PIK3C2G: variants seen among roughly 807,000 people sequenced by gnomAD.
The protein encoded by PIK3C2G is phosphatidylinositol-4-phosphate 3-kinase catalytic subunit type 2 gamma, also known as phosphatidylinositol 3-kinase C2 domain-containing subunit gamma.
In PIK3C2G, 168 loss-of-function variants were observed where a neutral mutation model predicts 181.1. That is an observed-to-expected ratio of 0.93 (90% CI 0.82 to 1.05). The LOEUF is 1.05. Among genes scored for constraint, PIK3C2G ranks in the 50% least tolerant of loss-of-function variants. The pLI is 0.00. For missense variants in PIK3C2G, 1,869 were observed against 1,732.8 expected, an observed-to-expected ratio of 1.08 and a Z score of -1.40; for synonymous variants, 573 against 592.2, an observed-to-expected ratio of 0.97 and a Z score of 0.47.
intron 15 of PIK3C2G, among the ~76,000 whole-genome samples, chr12:18,396,151 A>C (rs959252079): frequency 5.9e-5 from 9 of 151,794 alleles, no homozygotes; most frequent in Middle Eastern, 3.4e-3. Flanking sequence ...GTTTACAGGA[A>C]CATGTATATA....
At chr12:18,521,715 G>T (rs1190203071) in intron 24 of PIK3C2G, among the ~76,000 whole-genome samples, 1 of 152,230 alleles carries the variant, frequency 6.6e-6, no homozygotes, top group Non-Finnish European at 1.5e-5. Flanking sequence ...CTCTATCCCA[G>T]TGTCGACTGC....
At chr12:18,350,304 T>A (rs1181760636) in intron 11 of PIK3C2G, among the ~76,000 whole-genome samples, 2 of 152,250 alleles carry the variant, frequency 1.3e-5, no homozygotes, top group East Asian at 1.9e-4. Context: ...ACATTATTTT[T>A]AAAAAATCCC....
At chr12:18,320,867 G>A in intron 6 of PIK3C2G, 95 bp from the exon 7 acceptor site, 1 of 694,362 alleles carries the variant, frequency 1.4e-6, no homozygotes. Context: ...ATCAAAATAG[G>A]TGAATAAAAT....
chr12:18,314,847 C>T (rs1478440486), intron 6 of PIK3C2G, among the ~76,000 whole-genome samples: 1 of 152,160 alleles, frequency 6.6e-6, no homozygotes, highest in African/African-American at 2.4e-5. Flanking sequence ...TCTGTGAAGA[C>T]TGTTTATGTC....
chr12:18,646,239 T>A (rs1950123867), intron 32 of PIK3C2G, among the ~76,000 whole-genome samples: 1 of 152,156 alleles, frequency 6.6e-6, no homozygotes, highest in Non-Finnish European at 1.5e-5. Context: ...ACATCAGTAA[T>A]TTTGAATAAA....
chr12:18,519,047 G>A (rs1409705742), intron 24 of PIK3C2G, among the ~76,000 whole-genome samples: 1 of 152,216 alleles, frequency 6.6e-6, no homozygotes. Flanking sequence ...GTGGTTTTGA[G>A]TGAGTTTCTT....
chr12:18,420,405 G>A (rs1945416860), intron 16 of PIK3C2G, among the ~76,000 whole-genome samples: 1 of 152,032 alleles, frequency 6.6e-6, no homozygotes, highest in Non-Finnish European at 1.5e-5. Flanking sequence ...ATCCAAAAAT[G>A]AATAAGGCAC....
chr12:18,496,769 G>A (rs891133365), intron 21 of PIK3C2G, among the ~76,000 whole-genome samples: 25 of 152,102 alleles, frequency 1.6e-4, no homozygotes, highest in African/African-American at 6.0e-4. Context: ...CGTGCAACAA[G>A]GTCTCAGAGT....
intron 1 of PIK3C2G, among the ~76,000 whole-genome samples, chr12:18,267,062 C>T (rs1000622755): frequency 3.3e-5 from 5 of 151,796 alleles, no homozygotes; most frequent in African/African-American, 1.2e-4. Flanking sequence ...AGTGATAGTT[C>T]TCTCCTTTCT....
rs1475248193 is a variant in PIK3C2G at position 18,320,945 on chromosome 12, T to C, written c.1138-17T>C. ...CCTATTCACTCAATAAATATTAATA[T>C]ATTCTGCTGTCTACAGCATGAAGAG... On this transcript the variant is annotated splice_polypyrimidine_tract_variant and intron_variant, in intron 6 of 32. Transcript: ENST00000538779. 7.1e-7 allele frequency: 1 copy of C among 1,412,894 alleles called. No homozygotes were observed. Among genetic ancestry groups the C allele is most frequent in the Non-Finnish European group, 9.9e-7 (1 of 1,010,582 alleles). 87.5% of individuals were successfully genotyped at this position (1,412,894 alleles called of 1,614,324 possible).
chr12:18,703,228 T>C, the PIK3C2G span, among the ~76,000 whole-genome samples: 2 of 152,184 alleles, frequency 1.3e-5, no homozygotes, highest in African/African-American at 2.4e-5. Context: ...GGCATTCTTA[T>C]GCCACAAAAG....
chr12:18,666,982 C>G, the PIK3C2G span, among the ~76,000 whole-genome samples: 1 of 152,142 alleles, frequency 6.6e-6, no homozygotes, highest in African/African-American at 2.4e-5. Context: ...GAGAAAGTAG[C>G]AATCATGGCC....
At chr12:18,431,947 G>A (rs4764402) in intron 18 of PIK3C2G, among the ~76,000 whole-genome samples, 37,484 of 151,944 alleles carry the variant, frequency 0.25, 4,953 homozygotes, top group Admixed American at 0.35. Flanking sequence ...CAACCTGAAG[G>A]AAAAGAGGCA....
At chr12:18,505,559 T>C in intron 24 of PIK3C2G, 98 bp downstream of exon 24, 1 of 711,726 alleles carries the variant, frequency 1.4e-6, no homozygotes, top group Non-Finnish European at 2.1e-6. Context: ...CTTGCTCCCA[T>C]CTCTCAAATC....
chr12:18,723,592 T>A, the PIK3C2G span: 1 of 1,325,418 alleles, frequency 7.5e-7, no homozygotes, highest in Non-Finnish European at 1.1e-6. Context: ...AAAAAATACA[T>A]AAAATGAATA....
chr12:18,408,295 T>A (rs1481819568), intron 16 of PIK3C2G, among the ~76,000 whole-genome samples: 1 of 152,184 alleles, frequency 6.6e-6, no homozygotes, highest in Non-Finnish European at 1.5e-5. Flanking sequence ...TAACCAGTTT[T>A]CCCAACACCA....
chr12:18,492,109 G>T (rs917338953), intron 20 of PIK3C2G, among the ~76,000 whole-genome samples: 5 of 152,124 alleles, frequency 3.3e-5, no homozygotes, highest in Non-Finnish European at 5.9e-5. Context: ...CTAATCCTCT[G>T]TCATATGGTA....
intron 30 of PIK3C2G, among the ~76,000 whole-genome samples, chr12:18,599,514 G>A (rs12826212): frequency 0.16 from 23,689 of 151,624 alleles, 1,888 homozygotes; most frequent in African/African-American, 0.19. Flanking sequence ...AGGGGGAGGC[G>A]GGAGGGATAG....
intron 18 of PIK3C2G, among the ~76,000 whole-genome samples, chr12:18,462,385 C>G (rs921758486): frequency 6.6e-6 from 1 of 151,872 alleles, no homozygotes; most frequent in Non-Finnish European, 1.5e-5. Flanking sequence ...CTTCAGAGCA[C>G]CATACAAAAA....
Sources: gnomAD v4.1 joint callset for allele counts (sites outside exome capture counted in the v4.1 genomes callset) on GRCh38, gnomAD v4.1.1 for gene constraint, MANE v1.5 for transcripts, NCBI Gene and HGNC (gene_info 2026-07-23, HGNC 2026-07-21) for gene names.